The following DPY19L2 variants were observed in gnomAD, a reference collection of about 807,000 sequenced individuals.
DPY19L2 encodes probable C-mannosyltransferase DPY19L2.
Under a neutral mutation model 97.9 loss-of-function variants are expected in DPY19L2, and 34 were observed. The ratio of observed to expected loss-of-function variants is 0.35; its 90% CI spans 0.26 to 0.46. The LOEUF (loss-of-function observed/expected upper bound fraction) is 0.46. Among genes scored for constraint, DPY19L2 ranks in the 20% least tolerant of loss-of-function variants. The pLI, the probability that DPY19L2 is intolerant of heterozygous loss-of-function variation, is 1.00. For missense variants in DPY19L2, 623 were observed against 911.4 expected, an observed-to-expected ratio of 0.68 and a Z score of 4.07; for synonymous variants, 230 against 307.9, an observed-to-expected ratio of 0.75 and a Z score of 2.65.
At chr12:63,653,293 G>A (rs1164226217) in intron 4 of DPY19L2, among the ~76,000 whole-genome samples, 1 of 152,132 alleles carries the variant, frequency 6.6e-6, no homozygotes, top group Non-Finnish European at 1.5e-5. Context: ...GGTCCCGGTG[G>A]TTCATGCCTG....
intron 11 of DPY19L2, among the ~76,000 whole-genome samples, chr12:63,608,940 C>G (rs1032865867): frequency 5.9e-5 from 9 of 152,014 alleles, no homozygotes; most frequent in Admixed American, 3.3e-4. Context: ...AGGCTAATTC[C>G]TCTACAAAGA....
At chr12:63,604,343 G>A (rs140939570) in intron 12 of DPY19L2, among the ~76,000 whole-genome samples, 2,234 of 152,132 alleles carry the variant, frequency 0.015, 26 homozygotes, top group Non-Finnish European at 0.021. Context: ...CTTGGGAATC[G>A]CTCAGTATCT....
At chr12:63,600,515 A>G in intron 12 of DPY19L2, 129 bp from the exon 13 acceptor site, 1 of 723,570 alleles carries the variant, frequency 1.4e-6, no homozygotes, top group East Asian at 2.7e-5. Context: ...TTTTAAAAAA[A>G]GTTCCTTTAG....
intron 12 of DPY19L2, among the ~76,000 whole-genome samples, chr12:63,603,347 A>C (rs189461136): frequency 5.3e-5 from 8 of 152,148 alleles, no homozygotes; most frequent in Admixed American, 3.9e-4. Flanking sequence ...TCCTTCTTGC[A>C]TTTCCTTTTT....
At chr12:63,638,600 C>CA (rs1452699920) in intron 6 of DPY19L2, among the ~76,000 whole-genome samples, 2 of 152,110 alleles carry the variant, frequency 1.3e-5, no homozygotes. Context: ...AGTGAACTCC[C>CA]ATTCACAATT....
At chr12:63,628,810 A>AC (rs565367333) in intron 6 of DPY19L2, among the ~76,000 whole-genome samples, 3 of 150,276 alleles carry the variant, frequency 2.0e-5, no homozygotes, top group East Asian at 3.9e-4. Context: ...ACTGGGAGGC[A>AC]CCCCCCAGTA....
At chr12:63,657,847 A>C (rs1895172423) in intron 4 of DPY19L2, among the ~76,000 whole-genome samples, 1 of 152,186 alleles carries the variant, frequency 6.6e-6, no homozygotes, top group South Asian at 2.1e-4. Flanking sequence ...AGTTCATTAA[A>C]AAATTTCTGG....
At chr12:63,620,778 ATT>A (rs1447654828) in intron 9 of DPY19L2, among the ~76,000 whole-genome samples, 1 of 152,172 alleles carries the variant, frequency 6.6e-6, no homozygotes, top group Non-Finnish European at 1.5e-5. Flanking sequence ...TTGCAGCACT[ATT>A]CACAATAGCA....
chr12:63,630,222 A>G (rs1890348374), intron 6 of DPY19L2, among the ~76,000 whole-genome samples: 2 of 152,182 alleles, frequency 1.3e-5, no homozygotes, highest in Non-Finnish European at 2.9e-5. Context: ...AACAATATTA[A>G]CCTTAAATGT....
intron 19 of DPY19L2, among the ~76,000 whole-genome samples, chr12:63,580,362 G>A (rs1459233793): frequency 6.6e-6 from 1 of 152,008 alleles, no homozygotes; most frequent in African/African-American, 2.4e-5. Context: ...ATGCTATAAT[G>A]CTGTCTGAGA....
chr12:63,613,818 G>T (rs567692044), intron 11 of DPY19L2, among the ~76,000 whole-genome samples: 21 of 152,036 alleles, frequency 1.4e-4, no homozygotes, highest in Non-Finnish European at 5.9e-5. Flanking sequence ...AAAGTGATAC[G>T]TTTATAACGT....
chr12:63,628,136 T>C (rs1393304017), intron 6 of DPY19L2, among the ~76,000 whole-genome samples: 3 of 152,110 alleles, frequency 2.0e-5, no homozygotes, highest in Non-Finnish European at 4.4e-5. Context: ...GCTCCCAGCA[T>C]GAGCGACACA....
intron 16 of DPY19L2, among the ~76,000 whole-genome samples, chr12:63,591,608 C>T (rs1882929883): frequency 6.6e-6 from 1 of 152,012 alleles, no homozygotes; most frequent in East Asian, 1.9e-4. Flanking sequence ...TCTGCTTATG[C>T]TAGTGACATT....
chr12:63,616,788 T>C (rs1040989276), intron 11 of DPY19L2, among the ~76,000 whole-genome samples: 12 of 152,282 alleles, frequency 7.9e-5, no homozygotes, highest in African/African-American at 2.9e-4. Flanking sequence ...TAATCGGTCT[T>C]ATGACTTTAC....
intron 4 of DPY19L2, among the ~76,000 whole-genome samples, chr12:63,650,917 T>C (rs893678033): frequency 6.6e-6 from 1 of 152,030 alleles, no homozygotes; most frequent in African/African-American, 2.4e-5. Flanking sequence ...AAAACACATA[T>C]GAAACCAAAA....
At chr12:63,648,269 T>C (rs1893701518) in intron 4 of DPY19L2, among the ~76,000 whole-genome samples, 1 of 152,088 alleles carries the variant, frequency 6.6e-6, no homozygotes, top group Non-Finnish European at 1.5e-5. Flanking sequence ...TTCTATTCTT[T>C]ATAAATTACC....
intron 16 of DPY19L2, among the ~76,000 whole-genome samples, chr12:63,593,306 C>T (rs1378382776): frequency 2.6e-5 from 4 of 152,098 alleles, no homozygotes; most frequent in Non-Finnish European, 5.9e-5. Flanking sequence ...ACTCAAAGGA[C>T]TATAAATCAT....
At chr12:63,651,722 CA>C in intron 4 of DPY19L2, 1 of 431,526 alleles carries the variant, frequency 2.3e-6, no homozygotes, top group Non-Finnish European at 4.7e-6. Flanking sequence ...GTTACAACTG[CA>C]ATCTCTCCAA....
intron 11 of DPY19L2, among the ~76,000 whole-genome samples, chr12:63,614,198 A>T (rs1248715823): frequency 6.6e-6 from 1 of 151,320 alleles, no homozygotes; most frequent in African/African-American, 2.4e-5. Flanking sequence ...CTCAAAAAAA[A>T]AAAAAAAAGA....
Sources: gnomAD v4.1 joint callset for allele counts (sites outside exome capture counted in the v4.1 genomes callset) on GRCh38, gnomAD v4.1.1 for gene constraint, MANE v1.5 for transcripts, NCBI Gene and HGNC (gene_info 2026-07-23, HGNC 2026-07-21) for gene names.